Variants in CPVL observed in about 807,000 individuals in gnomAD.
CPVL encodes the protein probable serine carboxypeptidase CPVL.
Under a neutral mutation model 63.7 loss-of-function variants are expected in CPVL, and 51 were observed. The observed-to-expected ratio is 0.80, with a 90% CI of 0.64 to 1.01. CPVL has a LOEUF of 1.01. Among genes scored for constraint, CPVL ranks in the 50% least tolerant of loss-of-function variants. The pLI is 0.00. For missense variants in CPVL, 530 were observed against 573.1 expected, an observed-to-expected ratio of 0.92 and a Z score of 0.77; for synonymous variants, 195 against 206.0, an observed-to-expected ratio of 0.95 and a Z score of 0.46.
At chr7:29,180,403 T>A (rs1486997353) in intron 5 of CPVL, among the ~76,000 whole-genome samples, 1 of 152,082 alleles carries the variant, frequency 6.6e-6, no homozygotes, top group Non-Finnish European at 1.5e-5. Flanking sequence ...GGCACATGCC[T>A]GTAGTCCCAG....
chr7:29,067,169 G>A (rs1027574953), intron 9 of CPVL, among the ~76,000 whole-genome samples: 1 of 152,150 alleles, frequency 6.6e-6, no homozygotes, highest in African/African-American at 2.4e-5. Context: ...TAGGGTATGA[G>A]AATCAGCAGC....
At chr7:29,165,183 G>A (rs1190940410) in intron 5 of CPVL, among the ~76,000 whole-genome samples, 1 of 152,004 alleles carries the variant, frequency 6.6e-6, no homozygotes, top group Non-Finnish European at 1.5e-5. Context: ...TGATTTATGG[G>A]CATGTATATC....
At chr7:29,137,519 C>T (rs998639184) in intron 1 of CPVL, among the ~76,000 whole-genome samples, 18 of 152,300 alleles carry the variant, frequency 1.2e-4, no homozygotes, top group African/African-American at 3.6e-4. Context: ...AAAGGGAAGA[C>T]GGAGCTGCCA....
intron 3 of CPVL, 166 bp from the exon 4 acceptor site, chr7:29,096,383 G>C (rs759563810): frequency 3.3e-6 from 2 of 611,146 alleles, no homozygotes; most frequent in Non-Finnish European, 5.9e-6. Flanking sequence ...GCAAAGTACT[G>C]ATCATCTTTG....
chr7:29,020,671 T>A (rs2128142561), intron 12 of CPVL, among the ~76,000 whole-genome samples: 1 of 130,464 alleles, frequency 7.7e-6, no homozygotes, highest in East Asian at 2.0e-4. Context: ...ATGTTGTTTT[T>A]AAAAAAACAA....
intron 11 of CPVL, among the ~76,000 whole-genome samples, chr7:29,062,387 C>A (rs1418211090): frequency 6.6e-6 from 1 of 152,188 alleles, no homozygotes; most frequent in Non-Finnish European, 1.5e-5. Context: ...AGGGCCACTA[C>A]ATGTCCCCAA....
At chr7:29,097,840 G>A (rs1353252301) in intron 3 of CPVL, among the ~76,000 whole-genome samples, 3 of 152,220 alleles carry the variant, frequency 2.0e-5, no homozygotes, top group Non-Finnish European at 4.4e-5. Flanking sequence ...CCTGAAAGCT[G>A]AGAAGGATCC....
At chr7:29,172,454 C>T (rs1045195517) in intron 5 of CPVL, among the ~76,000 whole-genome samples, 3 of 152,084 alleles carry the variant, frequency 2.0e-5, no homozygotes, top group African/African-American at 4.8e-5. Flanking sequence ...ATATTGCCAC[C>T]CATTTATCAT....
intron 6 of CPVL, among the ~76,000 whole-genome samples, chr7:29,091,966 AATT>A (rs1333793778): frequency 6.6e-6 from 1 of 152,146 alleles, no homozygotes; most frequent in African/African-American, 2.4e-5. Flanking sequence ...TCTTTTAGTA[AATT>A]ATTATAATAC....
intron 1 of CPVL, among the ~76,000 whole-genome samples, chr7:29,188,094 A>C (rs1206647362): frequency 6.6e-6 from 1 of 152,234 alleles, no homozygotes; most frequent in Non-Finnish European, 1.5e-5. Context: ...TTACTTTTGC[A>C]TCAGACTTTA....
At chr7:29,002,708 TTAAC>T (rs1784760277) in intron 12 of CPVL, among the ~76,000 whole-genome samples, 1 of 152,064 alleles carries the variant, frequency 6.6e-6, no homozygotes, top group Non-Finnish European at 1.5e-5. Flanking sequence ...TGGAAGTTCT[TTAAC>T]TAAAAAGTTA....
At chr7:29,035,633 C>T (rs892210978) in intron 11 of CPVL, among the ~76,000 whole-genome samples, 3 of 152,194 alleles carry the variant, frequency 2.0e-5, no homozygotes, top group South Asian at 2.1e-4. Flanking sequence ...CAGGAGCTCC[C>T]GAGTGCGTGC....
At chr7:29,186,049 T>C (rs1798668630) in intron 2 of CPVL, among the ~76,000 whole-genome samples, 1 of 152,210 alleles carries the variant, frequency 6.6e-6, no homozygotes, top group Non-Finnish European at 1.5e-5. Flanking sequence ...AAGTTCTAAC[T>C]ATGGAACTCT....
chr7:29,121,472 C>A (rs1476112631), intron 1 of CPVL, among the ~76,000 whole-genome samples: 1 of 152,040 alleles, frequency 6.6e-6, no homozygotes, highest in Non-Finnish European at 1.5e-5. Flanking sequence ...TTTTAAAATG[C>A]AGTTTGGAAA....
rs191349364 is a variant in CPVL, at chr7:29,072,332, G to A, written c.701C>T (p.Ala234Val). 13 of 1,614,082 alleles carry A rather than the reference G, an allele frequency of 8.1e-6. No individual in the cohort carries two copies. In the Admixed American group the frequency reaches 1.0e-4, roughly 12 times the overall value. The change falls in exon 8 of 13, where the codon GCT becomes GTT. Residue 234 changes from alanine (A) to valine (V), a missense_variant. Ala to Val is a moderately conservative substitution (Grantham distance 64). Coordinates refer to ENST00000265394, the MANE Select transcript of CPVL (RefSeq NM_031311.5). ...GGGATCAGAATATCCATCTCCAATAGCAATTCCGTTCAGGTTGATCTTCAC... is the reference window on the plus strand; with the variant it reads ...GGGATCAGAATATCCATCTCCAATAACAATTCCGTTCAGGTTGATCTTCAC... The part of the protein sequence containing the change: ...REVKINLNGI[A>V]IGDGYSDPES...
At chr7:29,165,009 CT>C (rs1757443449) in intron 5 of CPVL, among the ~76,000 whole-genome samples, 2 of 151,950 alleles carry the variant, frequency 1.3e-5, no homozygotes, top group South Asian at 4.1e-4. Context: ...CAACTTTATT[CT>C]TTTTCAGATG....
intron 5 of CPVL, among the ~76,000 whole-genome samples, chr7:29,165,001 A>G (rs1363548826): frequency 3.3e-5 from 5 of 151,982 alleles, no homozygotes; most frequent in Non-Finnish European, 7.4e-5. Flanking sequence ...GAGTTCTACA[A>G]CTTTATTCTT....
intron 11 of CPVL, 57 bp downstream of exon 11, chr7:29,064,004 C>T (rs1782900915): frequency 1.7e-6 from 2 of 1,208,484 alleles, no homozygotes; most frequent in African/African-American, 1.6e-5. Context: ...TTACAAATCA[C>T]TTCTGCTCTG....
At chr7:29,175,215 C>T (rs1797138237) in intron 5 of CPVL, among the ~76,000 whole-genome samples, 1 of 151,534 alleles carries the variant, frequency 6.6e-6, no homozygotes, top group Non-Finnish European at 1.5e-5. Flanking sequence ...CTCTCTGTCA[C>T]CCAGGCTGGA....
Sources: allele counts gnomAD v4.1 joint callset (sites outside exome capture counted in the v4.1 genomes callset), GRCh38; gene constraint gnomAD v4.1.1; transcripts MANE v1.5; gene names NCBI Gene and HGNC (gene_info 2026-07-23, HGNC 2026-07-21).